HPS5: variants seen among roughly 807,000 people sequenced by gnomAD.
The protein encoded by HPS5 is BLOC-2 complex member HPS5.
HPS5 carries 83 observed loss-of-function variants against 128.0 expected under a neutral mutation model. The ratio of observed to expected loss-of-function variants is 0.65; its 90% CI spans 0.54 to 0.78. The LOEUF is 0.78. HPS5 is among the 30% of genes least tolerant of loss of function. HPS5 has a pLI of 0.00. For synonymous variants in HPS5, 475 were observed against 470.2 expected, an observed-to-expected ratio of 1.01 and a Z score of -0.13; for missense variants, 1,281 against 1,326.2, an observed-to-expected ratio of 0.97 and a Z score of 0.53.
rs547450772 is a variant in HPS5, at chr11:18,279,527, G to T, written c.*355C>A. The T allele has an allele frequency of 3.8e-6, 1 of 262,042 alleles. No homozygotes were observed. The highest frequency in any genetic ancestry group is 5.0e-5 in the South Asian group (1 of 19,966). 16.2% of individuals were successfully genotyped at this position (262,042 alleles called of 1,614,324 possible). ...AAAAGCTTCTGCTCCCAACATGGAA[G>T]CCACAGTAAGAAAAGAATCTGTCTA... On this transcript the variant is annotated 3_prime_UTR_variant, in exon 23 of 23. Transcript: ENST00000349215.
At chr11:18,289,127 G>C (rs576585299) in intron 16 of HPS5, among the ~76,000 whole-genome samples, 1 of 152,154 alleles carries the variant, frequency 6.6e-6, no homozygotes, top group East Asian at 1.9e-4. Flanking sequence ...ATCATTAGAA[G>C]GGTGAGGCCT....
At chr11:18,292,860 C>T (rs1310908307) in intron 15 of HPS5, 39 bp downstream of exon 15, 2 of 1,444,934 alleles carry the variant, frequency 1.4e-6, no homozygotes, top group South Asian at 1.1e-5. Context: ...TACTAAACTG[C>T]CTTGAGACGT....
Position 18,292,310 on chromosome 11 carries a change from C to T in HPS5, c.1863-291G>A, listed in dbSNP as rs190777050. On this transcript the variant is annotated intron_variant, in intron 15 of 22. Transcript: ENST00000349215. ...CTGCAGGCTCAAGTGATCCTCCCACCTCAGCCTCCTGAGTAGCTGGGAATA... is the reference window on the plus strand; with the variant it reads ...CTGCAGGCTCAAGTGATCCTCCCACTTCAGCCTCCTGAGTAGCTGGGAATA... Among the ~76,000 whole-genome samples the T allele has an allele frequency of 2.0e-5, 3 of 151,788 alleles. No individual in the cohort carries two copies. The East Asian group carries it at 5.8e-4, about 29-fold the overall frequency.
chr11:18,300,396 C>T (rs10766468), intron 9 of HPS5, among the ~76,000 whole-genome samples: 65,811 of 151,922 alleles, frequency 0.43, 16,188 homozygotes, highest in East Asian at 0.59. Context: ...TTAAAAGAAA[C>T]GTAACTGGGC....
At chr11:18,289,471 G>C (rs1295299372) in intron 16 of HPS5, among the ~76,000 whole-genome samples, 1 of 151,956 alleles carries the variant, frequency 6.6e-6, no homozygotes, top group Non-Finnish European at 1.5e-5. Context: ...ACATAATAGA[G>C]ACAGATACAG....
intron 6 of HPS5, among the ~76,000 whole-genome samples, chr11:18,306,874 G>C (rs1015910386): frequency 1.7e-4 from 26 of 152,184 alleles, no homozygotes; most frequent in Admixed American, 1.6e-3. Flanking sequence ...GATTACATGA[G>C]TTAGATATAT....
intron 1 of HPS5, among the ~76,000 whole-genome samples, chr11:18,319,432 A>T (rs1385656802): frequency 6.6e-6 from 1 of 152,212 alleles, no homozygotes; most frequent in African/African-American, 2.4e-5. Context: ...TCTCAAGGAA[A>T]AGGGAAAGGG....
In HPS5 at chr11:18,285,472, A is replaced by G. The variant is rs377293025; in HGVS notation, c.2838-13T>C. 1.3e-5 allele frequency: 19 copies of G among 1,517,576 alleles called. No individual in the cohort carries two copies. The highest frequency in any genetic ancestry group is 1.6e-5 in the Non-Finnish European group (17 of 1,092,512). The allele number at this position is 1,517,576 out of a possible 1,614,324, so 94.0% of individuals were successfully genotyped here. ...GTGTGAATGAGGCCTATGAAATGAA[A>G]AGGAATCAGTAAATTAGATAGGAAA... On this transcript the variant is annotated splice_polypyrimidine_tract_variant and intron_variant, in intron 19 of 22. Transcript: ENST00000349215.
chr11:18,311,508 A>T (rs928390087), intron 3 of HPS5, 57 bp from the exon 4 acceptor site: 236 of 779,940 alleles, frequency 3.0e-4, no homozygotes, highest in South Asian at 7.3e-4. Flanking sequence ...TATTATTATT[A>T]TTATTTTTTT....
intron 13 of HPS5, 101 bp from the exon 14 acceptor site, chr11:18,295,270 G>A (rs1860921401): frequency 1.8e-6 from 2 of 1,123,216 alleles, no homozygotes; most frequent in Non-Finnish European, 1.3e-6. Flanking sequence ...TCCTAGGGAG[G>A]CAACTTGGAC....
intron 5 of HPS5, 50 bp from the exon 6 acceptor site, chr11:18,309,129 CA>C (rs747672442): frequency 3.3e-6 from 5 of 1,526,244 alleles, no homozygotes; most frequent in Non-Finnish European, 4.5e-6. Flanking sequence ...ATAACATACA[CA>C]TGCAATCTCT....
At chr11:18,283,730 G>T in intron 21 of HPS5, 65 bp downstream of exon 21, 1 of 1,102,320 alleles carries the variant, frequency 9.1e-7, no homozygotes, top group Admixed American at 1.7e-5. Flanking sequence ...AAATTTTTTT[G>T]TTGAGAGGTC....
In HPS5 at chr11:18,310,882, C is replaced by T. The variant is rs768602878; in HGVS notation, c.336G>A (p.Pro112=). 18 of 1,611,504 alleles carry T rather than the reference C, an allele frequency of 1.1e-5. No homozygotes were observed. The African/African-American group carries it at 1.3e-4, about 12-fold the overall frequency. ...GTTCTGAAGACACATACATTTGTTC[C>T]GGTTTCCCACGACGCTCTTGATTTA... The part of the protein sequence containing the change: ...WELNQERRGK[P]EQMYVSSEHK... Residue 112 remains proline, a synonymous_variant, in exon 5 of 23, where the codon CCG becomes CCA. Coordinates refer to ENST00000349215, the MANE Select transcript of HPS5 (RefSeq NM_181507.2).
intron 2 of HPS5, among the ~76,000 whole-genome samples, chr11:18,316,122 C>G (rs1863595029): frequency 1.3e-5 from 2 of 152,074 alleles, no homozygotes; most frequent in South Asian, 4.1e-4. Context: ...TAGCAAGACC[C>G]CATCTCTACA....
rs532196282 is a variant in HPS5 at position 18,285,142 on chromosome 11, TAAAAAAA to T, written c.2951+197_2951+203del. Among the ~76,000 whole-genome samples, 247 of 126,042 alleles carry T rather than the reference TAAAAAAA, an allele frequency of 2.0e-3. 1 individual carries two copies. Among genetic ancestry groups the T allele is most frequent in the African/African-American group, 4.6e-3 (157 of 34,414 alleles). 82.7% of individuals were successfully genotyped at this position (126,042 alleles called of 152,430 possible). ...TGGAGGGGAATTAGCTAAGGCTATT[TAAAAAAA>T]AAAAAAAAAGAAAAAAGCAAGAAAT... On this transcript the variant is annotated intron_variant, in intron 20 of 22. Transcript: ENST00000349215.
chr11:18,285,812 G>A (rs1043796667), intron 19 of HPS5, among the ~76,000 whole-genome samples: 7 of 152,166 alleles, frequency 4.6e-5, no homozygotes, highest in Non-Finnish European at 8.8e-5. Flanking sequence ...GGGAGGAAAC[G>A]CAAGCAATAG....
intron 10 of HPS5, among the ~76,000 whole-genome samples, chr11:18,298,127 C>T (rs1323486058): frequency 6.7e-6 from 1 of 149,900 alleles, no homozygotes; most frequent in African/African-American, 2.5e-5. Flanking sequence ...TAATATAGAA[C>T]ATAAAACTTC....
chr11:18,313,222 G>GA (rs58493379), intron 2 of HPS5, among the ~76,000 whole-genome samples: 112 of 145,966 alleles, frequency 7.7e-4, no homozygotes, highest in African/African-American at 2.3e-3. Context: ...CTTATTGAGG[G>GA]AAAAAAAAAA....
chr11:18,294,897 C>G, intron 14 of HPS5, 123 bp downstream of exon 14: 1 of 995,554 alleles, frequency 1.0e-6, no homozygotes, highest in Non-Finnish European at 1.5e-6. Context: ...GGGCCACGTT[C>G]AAAGCCGTCC....
Sources: allele counts gnomAD v4.1 joint callset (sites outside exome capture counted in the v4.1 genomes callset), GRCh38; gene constraint gnomAD v4.1.1; transcripts MANE v1.5; gene names NCBI Gene and HGNC (gene_info 2026-07-23, HGNC 2026-07-21).